The following PHYHIPL variants were observed in gnomAD, a reference collection of about 807,000 sequenced individuals.
PHYHIPL encodes phytanoyl-CoA hydroxylase-interacting protein-like.
Under a neutral mutation model 33.4 loss-of-function variants are expected in PHYHIPL, and 9 were observed. The ratio of observed to expected loss-of-function variants is 0.27; its 90% CI spans 0.16 to 0.47. The LOEUF is 0.47. Among genes scored for constraint, PHYHIPL ranks in the 20% least tolerant of loss-of-function variants. The pLI is 0.99. For synonymous variants in PHYHIPL, 153 were observed against 154.1 expected (o/e 0.99, Z 0.05); for missense variants, 365 against 460.7 (o/e 0.79, Z 1.90).
In PHYHIPL at chr10:59,246,134, A is replaced by G. The variant is rs1158906666; in HGVS notation, c.*543A>G. The stretch of plus-strand genomic sequence containing the variant: ...ACTACTGTGTTTCAACATAATAAAT[A>G]TAATAGAAAAATATTTTATTTGTAT... On this transcript the variant is annotated 3_prime_UTR_variant, in exon 5 of 5. Transcript: ENST00000373880. 1.3e-5 allele frequency: 2 copies of G among 152,736 alleles called. No individual in the cohort carries two copies. Among genetic ancestry groups the G allele is most frequent in the Non-Finnish European group, 2.9e-5 (2 of 68,110 alleles). The allele number at this position is 152,736 out of a possible 1,614,324, so 9.5% of individuals were successfully genotyped here.
At chr10:59,234,907 G>T (rs529774204) in intron 2 of PHYHIPL, among the ~76,000 whole-genome samples, 1 of 151,910 alleles carries the variant, frequency 6.6e-6, no homozygotes, top group South Asian at 2.1e-4. Flanking sequence ...GAGGAGGGTT[G>T]TCCTCCACTG....
intron 1 of PHYHIPL, among the ~76,000 whole-genome samples, chr10:59,217,270 T>C (rs1438531534): frequency 6.6e-6 from 1 of 152,098 alleles, no homozygotes; most frequent in African/African-American, 2.4e-5. Context: ...GATCAATTTT[T>C]TAAGCAGTGA....
intron 1 of PHYHIPL, among the ~76,000 whole-genome samples, chr10:59,206,139 T>A (rs1196959724): frequency 6.6e-6 from 1 of 152,224 alleles, no homozygotes; most frequent in East Asian, 1.9e-4. Flanking sequence ...CTTATTTTCT[T>A]GCCCAAATCC....
At position 59,193,343 on chromosome 10, in the gene PHYHIPL, G is replaced by T. The variant is rs114860162; in HGVS notation, c.106+16384G>T. 6.2e-3 allele frequency among the ~76,000 whole-genome samples: 951 copies of T among 152,188 alleles called. 9 individuals are homozygous for T. The highest frequency in any genetic ancestry group is 0.021 in the African/African-American group (852 of 41,530). The stretch of plus-strand genomic sequence containing the variant: ...TGTATGATTATCTGTGCTTACTGTA[G>T]AAATACACTGGATTAATTTTTTCCC... On this transcript the variant is annotated intron_variant, in intron 1 of 4. Transcript: ENST00000373880.
intron 1 of PHYHIPL, among the ~76,000 whole-genome samples, chr10:59,211,704 G>C (rs1254370264): frequency 8.3e-6 from 1 of 121,004 alleles, no homozygotes; most frequent in Non-Finnish European, 1.7e-5. Flanking sequence ...ATTACAAATA[G>C]TTCCTTTTTT....
intron 1 of PHYHIPL, among the ~76,000 whole-genome samples, chr10:59,226,244 G>T (rs1027301820): frequency 2.6e-5 from 4 of 152,046 alleles, no homozygotes. Context: ...AGAGAGATGG[G>T]AGAAACACTT....
chr10:59,237,321 T>G (rs1233479748), intron 3 of PHYHIPL, among the ~76,000 whole-genome samples: 1 of 151,990 alleles, frequency 6.6e-6, no homozygotes, highest in Non-Finnish European at 1.5e-5. Flanking sequence ...TGTTTACTTG[T>G]TCATTCAAGA....
At chr10:59,204,692 C>T (rs1196165130) in intron 1 of PHYHIPL, among the ~76,000 whole-genome samples, 2 of 151,828 alleles carry the variant, frequency 1.3e-5, no homozygotes, top group Admixed American at 6.6e-5. Flanking sequence ...TAACATATTA[C>T]TTATTGCCAA....
intron 1 of PHYHIPL, among the ~76,000 whole-genome samples, chr10:59,186,849 TAAG>T (rs925433414): frequency 6.6e-6 from 1 of 152,210 alleles, no homozygotes; most frequent in East Asian, 1.9e-4. Context: ...CTCATCAGCT[TAAG>T]GAGATTTTGG....
At chr10:59,216,829 TA>T (rs1839627446) in intron 1 of PHYHIPL, among the ~76,000 whole-genome samples, 1 of 152,130 alleles carries the variant, frequency 6.6e-6, no homozygotes, top group South Asian at 2.1e-4. Context: ...AAGGGCTTTA[TA>T]AATTTACATA....
intron 1 of PHYHIPL, among the ~76,000 whole-genome samples, chr10:59,229,912 A>G (rs572733967): frequency 5.3e-5 from 8 of 152,310 alleles, no homozygotes; most frequent in East Asian, 1.9e-4. Context: ...CAGTTCATCC[A>G]CAAGGACTCA....
In PHYHIPL at chr10:59,245,192, T is replaced by A; in HGVS notation, c.732T>A (p.Asp244Glu). The change falls in exon 5 of 5, where the codon GAT (aspartate) becomes GAA (glutamate). Residue 244 changes from aspartate to glutamate, a missense_variant. Physicochemically the swap from Asp to Glu is conservative, Grantham distance 45. This residue lies in a region of PHYHIPL where 196 missense variants were observed against 224.9 expected (regional missense o/e 0.87). Transcript: ENST00000373880. ...TCAATACTGGAAAGCCACCCCAGGA[T>A]TCACCTTATGGAAGATACAGGTTTG... ...TEFNTGKPPQDSPYGRYRFEI... is the reference protein window; with the variant it reads ...TEFNTGKPPQESPYGRYRFEI... 6.2e-7 allele frequency: 1 copy of A among 1,614,184 alleles called. No homozygotes were observed. The highest frequency in any genetic ancestry group is 8.5e-7 in the Non-Finnish European group (1 of 1,180,026).
At chr10:59,199,684 A>T (rs1304905274) in intron 1 of PHYHIPL, among the ~76,000 whole-genome samples, 1 of 152,204 alleles carries the variant, frequency 6.6e-6, no homozygotes, top group Non-Finnish European at 1.5e-5. Flanking sequence ...CTTCCTATCC[A>T]TGAGCATGGA....
At chr10:59,183,296 A>G (rs972846580) in intron 1 of PHYHIPL, among the ~76,000 whole-genome samples, 6 of 152,220 alleles carry the variant, frequency 3.9e-5, no homozygotes, top group Admixed American at 6.5e-5. Context: ...TGTTGAATCT[A>G]AGGAGACATT....
chr10:59,217,659 A>G (rs931202672), intron 1 of PHYHIPL, among the ~76,000 whole-genome samples: 1 of 151,912 alleles, frequency 6.6e-6, no homozygotes, highest in African/African-American at 2.4e-5. Context: ...AAAATATATA[A>G]AATATATTCC....
At chr10:59,199,929 T>C (rs551024038) in intron 1 of PHYHIPL, among the ~76,000 whole-genome samples, 2 of 152,334 alleles carry the variant, frequency 1.3e-5, no homozygotes, top group South Asian at 4.1e-4. Flanking sequence ...TTTGCTGAAG[T>C]TGCTTATCAG....
intron 1 of PHYHIPL, among the ~76,000 whole-genome samples, chr10:59,208,145 G>A (rs1839341870): frequency 6.6e-6 from 1 of 152,144 alleles, no homozygotes; most frequent in African/African-American, 2.4e-5. Context: ...CTCCCAGCAG[G>A]GGTCAACAGA....
chr10:59,243,544 T>G (rs1314494401), intron 4 of PHYHIPL, among the ~76,000 whole-genome samples: 1 of 152,200 alleles, frequency 6.6e-6, no homozygotes, highest in Non-Finnish European at 1.5e-5. Flanking sequence ...AATTTTTTGG[T>G]CTTTCCTTGA....
At position 59,246,376 on chromosome 10, in the gene PHYHIPL, C is replaced by G. The variant is rs1030321105; in HGVS notation, c.*785C>G. The G allele has an allele frequency of 1.7e-5, 5 of 286,448 alleles. No individual in the cohort carries two copies. Among genetic ancestry groups the G allele is most frequent in the Non-Finnish European group, 3.2e-5 (5 of 155,884 alleles). 17.7% of individuals were successfully genotyped at this position (286,448 alleles called of 1,614,324 possible). ...AAAGTTATAAAATATTAGGTAAATA[C>G]AGAGAAAACAATAAGCCTCTGAAAT... On this transcript the variant is annotated 3_prime_UTR_variant, in exon 5 of 5. Coordinates refer to ENST00000373880, the MANE Select transcript of PHYHIPL (RefSeq NM_032439.4).
Sources: allele counts gnomAD v4.1 joint callset (sites outside exome capture counted in the v4.1 genomes callset), GRCh38; gene constraint gnomAD v4.1.1; regional missense constraint gnomAD v4.1.1; transcripts MANE v1.5; gene names NCBI Gene and HGNC (gene_info 2026-07-23, HGNC 2026-07-21).